Variants in ADAMTS17 observed in about 807,000 individuals in gnomAD.
The protein encoded by ADAMTS17 is ADAM metallopeptidase with thrombospondin type 1 motif 17.
In ADAMTS17, 113 loss-of-function variants were observed where a neutral mutation model predicts 141.5. The ratio of observed to expected loss-of-function variants is 0.80; its 90% CI spans 0.69 to 0.93. ADAMTS17 has a LOEUF of 0.93. ADAMTS17 is among the 40% of genes least tolerant of loss of function. ADAMTS17 has a pLI of 0.00. For synonymous variants in ADAMTS17, 768 were observed against 630.6 expected (o/e 1.22, Z -3.27); for missense variants, 1,659 against 1,517.9 (o/e 1.09, Z -1.54).
At chr15:100,044,921 C>T (rs922229681) in intron 18 of ADAMTS17, among the ~76,000 whole-genome samples, 1 of 151,770 alleles carries the variant, frequency 6.6e-6, no homozygotes, top group Non-Finnish European at 1.5e-5. Flanking sequence ...AATTCTTCTG[C>T]CTCAGCCTCC....
At chr15:100,089,468 A>C (rs9672870) in intron 15 of ADAMTS17, among the ~76,000 whole-genome samples, 45,820 of 146,130 alleles carry the variant, frequency 0.31, 9,376 homozygotes, top group East Asian at 0.57. Context: ...TTGACCCAGC[A>C]ATCCCATTAC....
intron 7 of ADAMTS17, among the ~76,000 whole-genome samples, chr15:100,241,446 A>G (rs1286429472): frequency 6.6e-6 from 1 of 152,148 alleles, no homozygotes; most frequent in Non-Finnish European, 1.5e-5. Context: ...ACACACTAGC[A>G]CTTCTGATTG....
chr15:100,293,154 GGA>G (rs2044700740), intron 3 of ADAMTS17, among the ~76,000 whole-genome samples: 1 of 152,180 alleles, frequency 6.6e-6, no homozygotes, highest in Non-Finnish European at 1.5e-5. Context: ...CTTGGTCCAG[GGA>G]GAGTTATTAT....
chr15:100,120,133 G>C (rs770037784), intron 12 of ADAMTS17, among the ~76,000 whole-genome samples: 6 of 152,232 alleles, frequency 3.9e-5, no homozygotes, highest in South Asian at 2.1e-4. Flanking sequence ...ATGTCGGGAA[G>C]AGAGCTGAGG....
At chr15:99,995,574 G>T (rs1038454129) in intron 19 of ADAMTS17, among the ~76,000 whole-genome samples, 8 of 151,888 alleles carry the variant, frequency 5.3e-5, no homozygotes, top group Non-Finnish European at 1.0e-4. Flanking sequence ...CTTCCTTCTG[G>T]ATATTTGATC....
At chr15:100,037,081 A>G (rs2030795707) in intron 18 of ADAMTS17, among the ~76,000 whole-genome samples, 1 of 152,134 alleles carries the variant, frequency 6.6e-6, no homozygotes, top group African/African-American at 2.4e-5. Context: ...ATAGTACTGG[A>G]ATTGCTGATT....
At chr15:100,215,741 T>C (rs530676904) in intron 7 of ADAMTS17, among the ~76,000 whole-genome samples, 2 of 152,202 alleles carry the variant, frequency 1.3e-5, no homozygotes, top group South Asian at 4.2e-4. Context: ...AATGGGCCTC[T>C]GCAAAGGGAG....
rs907551820 is a variant in ADAMTS17, at chr15:100,300,807, A to G, written c.617-19406T>C. 3.9e-5 allele frequency among the ~76,000 whole-genome samples: 6 copies of G among 152,314 alleles called. No homozygotes were observed. In the South Asian group the frequency reaches 1.0e-3, roughly 26 times the overall value. On this transcript the variant is annotated intron_variant, in intron 3 of 21. Transcript: ENST00000268070. ...TGGAACATGCTGCAGCTCCACCTGG[A>G]AAGTTATTATCCCCAGCAGTCACAT...
At chr15:100,324,177 C>T (rs2045826804) in intron 3 of ADAMTS17, among the ~76,000 whole-genome samples, 1 of 152,034 alleles carries the variant, frequency 6.6e-6, no homozygotes, top group Non-Finnish European at 1.5e-5. Flanking sequence ...TGCTGGTGGG[C>T]ACCTGTGGTC....
At chr15:100,211,820 A>C (rs1369045977) in intron 7 of ADAMTS17, among the ~76,000 whole-genome samples, 1 of 152,230 alleles carries the variant, frequency 6.6e-6, no homozygotes, top group Non-Finnish European at 1.5e-5. Flanking sequence ...CATGTTGACA[A>C]AACAAAAAAT....
At chr15:100,216,451 GA>G (rs368107121) in intron 7 of ADAMTS17, among the ~76,000 whole-genome samples, 269 of 152,296 alleles carry the variant, frequency 1.8e-3, no homozygotes, top group African/African-American at 6.1e-3. Flanking sequence ...TGGGGACTGG[GA>G]AAACACCACC....
chr15:100,204,885 C>T (rs1384796910), intron 7 of ADAMTS17, among the ~76,000 whole-genome samples: 1 of 152,200 alleles, frequency 6.6e-6, no homozygotes, highest in South Asian at 2.1e-4. Flanking sequence ...GGCACATTCT[C>T]TAAGGAAGCC....
rs1370828918 is a variant in ADAMTS17 at position 100,116,989 on chromosome 15, G to A, written c.1746C>T (p.Cys582=). The A allele has an allele frequency of 6.2e-7, 1 of 1,612,984 alleles. No individual in the cohort carries two copies. The highest frequency in any genetic ancestry group is 8.5e-7 in the Non-Finnish European group (1 of 1,179,650). The change falls in exon 13 of 22, where the codon TGC becomes TGT. Residue 582 remains cysteine, a synonymous_variant. Transcript: ENST00000268070. ...NPPPGPGGTH[C]PGASVEHAVC... is the part of the protein sequence containing the mutation. ...CCGCATGTTCTACACTGGCACCCGG[G>A]CAGTGTGTGCCTCCAGGCCCAGGGC...
rs549930613 is a variant in ADAMTS17 at position 100,146,515 on chromosome 15, C to G, written c.1473+6097G>C. Among the ~76,000 whole-genome samples the G allele has an allele frequency of 3.3e-5, 5 of 152,202 alleles. No homozygotes were observed. In the East Asian group the frequency reaches 9.6e-4, roughly 29 times the overall value. ...AGGAAGATGTATGTCGTCTCAGGAC[C>G]CTGTGATAATTGTGTTAACTGCACA... On this transcript the variant is annotated intron_variant, in intron 10 of 21. Coordinates refer to ENST00000268070, the MANE Select transcript of ADAMTS17 (RefSeq NM_139057.4).
chr15:100,324,883 T>G (rs1350936895), intron 3 of ADAMTS17, among the ~76,000 whole-genome samples: 1 of 151,966 alleles, frequency 6.6e-6, no homozygotes, highest in Non-Finnish European at 1.5e-5. Flanking sequence ...CCCTAAGAGG[T>G]AGATGACATT....
chr15:100,081,306 T>C (rs2034718856), intron 15 of ADAMTS17, among the ~76,000 whole-genome samples: 1 of 152,202 alleles, frequency 6.6e-6, no homozygotes, highest in South Asian at 2.1e-4. Flanking sequence ...GACAGCCTAT[T>C]GTGGGATGTT....
chr15:100,108,248 C>T (rs748330973), intron 14 of ADAMTS17, among the ~76,000 whole-genome samples: 2 of 151,838 alleles, frequency 1.3e-5, no homozygotes, highest in African/African-American at 2.4e-5. Flanking sequence ...CTCAGCTCAC[C>T]GCAACCTCCG....
At chr15:100,044,355 AT>A (rs1196669744) in intron 18 of ADAMTS17, among the ~76,000 whole-genome samples, 1 of 152,012 alleles carries the variant, frequency 6.6e-6, no homozygotes, top group East Asian at 1.9e-4. Context: ...ATTGTCAACA[AT>A]TTTTTCCTTC....
intron 10 of ADAMTS17, among the ~76,000 whole-genome samples, chr15:100,141,959 G>A (rs866456197): frequency 5.3e-5 from 8 of 152,348 alleles, no homozygotes; most frequent in Middle Eastern, 6.8e-3. Context: ...CCGGGACCCC[G>A]CCAGCCACCC....
Sources: gnomAD v4.1 joint callset for allele counts (sites outside exome capture counted in the v4.1 genomes callset) on GRCh38, gnomAD v4.1.1 for gene constraint, MANE v1.5 for transcripts, NCBI Gene and HGNC (gene_info 2026-07-23, HGNC 2026-07-21) for gene names.